The following DEPDC5 variants were observed in gnomAD, a reference collection of about 807,000 sequenced individuals.
The protein encoded by DEPDC5 is DEP domain containing 5, GATOR1 subcomplex subunit, also known as GATOR1 complex protein DEPDC5.
DEPDC5 carries 73 observed loss-of-function variants against 217.3 expected under a neutral mutation model. The observed-to-expected ratio is 0.34, with a 90% CI of 0.28 to 0.41. DEPDC5 has a LOEUF of 0.41. Among genes scored for constraint, DEPDC5 ranks in the 10% least tolerant of loss-of-function variants. The probability of loss-of-function intolerance (pLI) is 1.00; values close to 1 mark genes in which losing one functional copy is unlikely to be tolerated. For synonymous variants in DEPDC5, 733 were observed against 756.7 expected (o/e 0.97, Z 0.51); for missense variants, 1,675 against 2,070.1 (o/e 0.81, Z 3.70).
At chr22:31,766,100 A>G (rs1601644045) in intron 5 of DEPDC5, among the ~76,000 whole-genome samples, 1 of 152,228 alleles carries the variant, frequency 6.6e-6, no homozygotes, top group East Asian at 1.9e-4. Context: ...GTTGCATTTA[A>G]AACCCACCAC....
intron 2 of DEPDC5, 50 bp from the exon 3 acceptor site, chr22:31,758,496 G>A: frequency 6.5e-7 from 1 of 1,527,302 alleles, no homozygotes; most frequent in Non-Finnish European, 9.1e-7. Context: ...AGAACATACA[G>A]TGTACCTAAT....
In DEPDC5 at chr22:31,784,001, G is replaced by A. The variant is rs760479167; in HGVS notation, c.562+16G>A. The A allele has an allele frequency of 5.6e-6, 9 of 1,607,026 alleles. No homozygotes were observed. The South Asian group carries it at 7.8e-5, about 14-fold the overall frequency. On this transcript the variant is annotated intron_variant, in intron 9 of 42. Transcript: ENST00000651528. ...GATATTTATGGTACTGTGTCTATGT[G>A]CTGATTGTAACTGCTAAGGGGAGAA... is the stretch of plus-strand genomic sequence containing the variant.
intron 26 of DEPDC5, chr22:31,837,449 C>A (rs1317206409): frequency 2.4e-6 from 1 of 424,948 alleles, no homozygotes; most frequent in Non-Finnish European, 4.1e-6. Flanking sequence ...CTCCTGAGTA[C>A]AAACAGTCTT....
Position 31,837,144 on chromosome 22 carries a change from A to G in DEPDC5, c.2343A>G (p.Ala781=). The G allele has an allele frequency of 6.2e-7, 1 of 1,614,120 alleles. No homozygotes were observed. Among genetic ancestry groups the G allele is most frequent in the Non-Finnish European group, 8.5e-7 (1 of 1,180,014 alleles). The change falls in exon 26 of 43, where the codon GCA becomes GCG. Residue 781 remains alanine, a synonymous_variant. Coordinates refer to ENST00000651528, the MANE Select transcript of DEPDC5 (RefSeq NM_001242896.3). The part of the protein sequence containing the change: ...TEGCYDLLPE[A]DIDRRDEDGV... Reference sequence around the variant, plus strand: ...GCTGTTATGATCTCCTTCCAGAAGCAGACATCGACAGGTCAGTGTCAGAGA... The same window carrying G: ...GCTGTTATGATCTCCTTCCAGAAGCGGACATCGACAGGTCAGTGTCAGAGA...
intron 2 of DEPDC5, chr22:31,755,210 C>T (rs2075218861): frequency 1.9e-6 from 1 of 514,964 alleles, no homozygotes; most frequent in East Asian, 3.1e-5. Flanking sequence ...TACTACCCTT[C>T]ATTTGTTGAA....
At position 31,845,114 on chromosome 22, in the gene DEPDC5, C is replaced by T. The variant is rs748986619; in HGVS notation, c.2898C>T (p.Cys966=). ...TKRITEGEAH[C]DIYGDRPRAD... Reference sequence around the variant, plus strand: ...GCATCACGGAGGGGGAGGCCCACTGCGACATCTATGGGGACAGGCCCCGTG... The same window carrying T: ...GCATCACGGAGGGGGAGGCCCACTGTGACATCTATGGGGACAGGCCCCGTG... Residue 966 remains cysteine (C), a synonymous_variant, in exon 30 of 43, where the codon TGC becomes TGT. Coordinates refer to ENST00000651528, the MANE Select transcript of DEPDC5 (RefSeq NM_001242896.3). 1.1e-5 allele frequency: 18 copies of T among 1,614,142 alleles called. No homozygotes were observed. The highest frequency in any genetic ancestry group is 4.4e-5 in the South Asian group (4 of 91,076).
intron 7 of DEPDC5, 48 bp downstream of exon 7, chr22:31,768,911 A>G (rs745378825): frequency 1.2e-5 from 20 of 1,605,462 alleles, no homozygotes; most frequent in Middle Eastern, 1.7e-4. Context: ...ACTGGGCTAC[A>G]TAAAGCAGTG....
chr22:31,871,197 C>T (rs893353920), intron 34 of DEPDC5, among the ~76,000 whole-genome samples: 7 of 152,226 alleles, frequency 4.6e-5, no homozygotes, highest in South Asian at 2.1e-4. Flanking sequence ...TTCATTTGCT[C>T]GAGCAAGTGC....
At chr22:31,771,715 T>TCACTCACACACACACA (rs1439519983) in intron 7 of DEPDC5, among the ~76,000 whole-genome samples, 2 of 78,050 alleles carry the variant, frequency 2.6e-5, no homozygotes, top group Non-Finnish European at 4.8e-5. Flanking sequence ...CAAGACTCCG[T>TCACTCACACACACACA]CACACACACA....
At chr22:31,853,419 T>C (rs894190022) in intron 31 of DEPDC5, 6 of 152,210 alleles carry the variant, frequency 3.9e-5, no homozygotes, top group Non-Finnish European at 8.8e-5. Context: ...CTACATTTTC[T>C]GAATAGAGGT....
At chr22:31,801,775 A>G (rs1427438953) in intron 14 of DEPDC5, among the ~76,000 whole-genome samples, 1 of 152,154 alleles carries the variant, frequency 6.6e-6, no homozygotes, top group Non-Finnish European at 1.5e-5. Context: ...AAGTGATGAT[A>G]CGCGTACACA....
intron 17 of DEPDC5, among the ~76,000 whole-genome samples, chr22:31,805,405 C>G (rs1056185802): frequency 3.3e-5 from 5 of 152,168 alleles, no homozygotes; most frequent in Admixed American, 3.3e-4. Context: ...CAGCATCTCT[C>G]TTTTATGAAT....
chr22:31,775,425 A>AC (rs1233180892), intron 7 of DEPDC5, among the ~76,000 whole-genome samples: 1 of 151,472 alleles, frequency 6.6e-6, no homozygotes, highest in Non-Finnish European at 1.5e-5. Context: ...TGATCCACCC[A>AC]CCTCGGCCTC....
intron 30 of DEPDC5, among the ~76,000 whole-genome samples, chr22:31,845,459 C>G (rs140409781): frequency 9.1e-4 from 138 of 152,322 alleles, no homozygotes; most frequent in African/African-American, 3.2e-3. Context: ...AGAGCCATTC[C>G]CTTCCACCTG....
At chr22:31,859,165 A>G (rs1284005990) in intron 32 of DEPDC5, 1 of 127,926 alleles carries the variant, frequency 7.8e-6, no homozygotes, top group Non-Finnish European at 1.5e-5. Context: ...ATCTCGGCTC[A>G]CTGCAAGCTT....
intron 7 of DEPDC5, among the ~76,000 whole-genome samples, chr22:31,773,452 C>T (rs190436511): frequency 1.3e-5 from 2 of 152,294 alleles, no homozygotes; most frequent in East Asian, 1.9e-4. Flanking sequence ...ATCCTCTTGG[C>T]TCAGCCCCCT....
At chr22:31,768,502 A>G (rs1433964834) in intron 6 of DEPDC5, among the ~76,000 whole-genome samples, 2 of 152,236 alleles carry the variant, frequency 1.3e-5, no homozygotes, top group Non-Finnish European at 2.9e-5. Context: ...GTAAATGCAG[A>G]TATGTATGTA....
At chr22:31,811,354 G>T (rs2088305157) in intron 20 of DEPDC5, among the ~76,000 whole-genome samples, 1 of 152,062 alleles carries the variant, frequency 6.6e-6, no homozygotes, top group Admixed American at 6.5e-5. Flanking sequence ...ACAGGTGTGA[G>T]CCACCATGCC....
At chr22:31,796,721 G>A (rs1394523860) in intron 12 of DEPDC5, among the ~76,000 whole-genome samples, 1 of 151,154 alleles carries the variant, frequency 6.6e-6, no homozygotes, top group Admixed American at 6.6e-5. Context: ...TTTTGAGATG[G>A]AGTCTCGCTC....
Sources: gnomAD v4.1 joint callset for allele counts (sites outside exome capture counted in the v4.1 genomes callset) on GRCh38, gnomAD v4.1.1 for gene constraint, MANE v1.5 for transcripts, NCBI Gene and HGNC (gene_info 2026-07-23, HGNC 2026-07-21) for gene names.